The following PRKCZ variants were observed in gnomAD, a reference collection of about 807,000 sequenced individuals.
PRKCZ encodes protein kinase C zeta type.
A neutral mutation model predicts 79.5 loss-of-function variants in PRKCZ; 33 were observed. The observed-to-expected ratio is 0.41, with a 90% CI of 0.31 to 0.55. PRKCZ has a LOEUF of 0.55. Among genes scored for constraint, PRKCZ ranks in the 20% least tolerant of loss-of-function variants. The probability of loss-of-function intolerance (pLI) is 0.19; values close to 1 mark genes in which losing one functional copy is unlikely to be tolerated. For synonymous variants in PRKCZ, 342 were observed against 320.9 expected (o/e 1.07, Z -0.70); for missense variants, 578 against 813.5 (o/e 0.71, Z 3.52).
chr1:2,056,589 T>A lies in PRKCZ; in HGVS notation c.283+16T>A, dbSNP rs1273120135. ...ATCATTCATGGTTAGTGGCGGGGTCTGTGGTGGGCAGCTCTGGGGGGCTGT... is the reference window on the plus strand; with the variant it reads ...ATCATTCATGGTTAGTGGCGGGGTCAGTGGTGGGCAGCTCTGGGGGGCTGT... On this transcript the variant is annotated intron_variant, in intron 3 of 17. Transcript: ENST00000378567. 6.2e-7 allele frequency: 1 copy of A among 1,607,480 alleles called. No homozygotes were observed. The highest frequency in any genetic ancestry group is 1.7e-5 in the Admixed American group (1 of 59,824).
chr1:2,130,428 C>A (rs370667265), intron 4 of PRKCZ, among the ~76,000 whole-genome samples: 1 of 152,110 alleles, frequency 6.6e-6, no homozygotes, highest in Admixed American at 6.5e-5. Context: ...GCATGGGGGG[C>A]TGGGAGGGCG....
chr1:2,159,922 A>G (rs566975034), intron 10 of PRKCZ, among the ~76,000 whole-genome samples: 20 of 152,320 alleles, frequency 1.3e-4, no homozygotes, highest in African/African-American at 4.6e-4. Context: ...GACTACTTTC[A>G]GCGTCCCCCG....
chr1:2,121,637 G>T lies in PRKCZ; in HGVS notation c.335-13625G>T, dbSNP rs1203863210. Among the ~76,000 whole-genome samples, 30 of 64,262 alleles carry T rather than the reference G, an allele frequency of 4.7e-4. 1 individual carries two copies. Among genetic ancestry groups the T allele is most frequent in the African/African-American group, 1.8e-3 (26 of 14,466 alleles). 42.2% of individuals were successfully genotyped at this position (64,262 alleles called of 152,430 possible). On this transcript the variant is annotated intron_variant, in intron 4 of 17. Transcript: ENST00000378567. Reference sequence around the variant, plus strand: ...TCATGGTGGTGGTTAGGGTCACAGTGGTAGTTAGGGTCACGGTGGTGGTTA... The same window carrying T: ...TCATGGTGGTGGTTAGGGTCACAGTTGTAGTTAGGGTCACGGTGGTGGTTA...
chr1:2,074,030 A>AT, intron 4 of PRKCZ: 2 of 1,436,394 alleles, frequency 1.4e-6, no homozygotes, highest in Non-Finnish European at 9.1e-7. Context: ...CCGAGTCAGC[A>AT]TTTTGGGTCT....
intron 4 of PRKCZ, among the ~76,000 whole-genome samples, chr1:2,063,565 G>A (rs1393288369): frequency 3.3e-5 from 5 of 152,128 alleles, no homozygotes; most frequent in South Asian, 2.1e-4. Flanking sequence ...TGCCCACCTC[G>A]GTCTCCCAAA....
At chr1:2,184,791 T>G in intron 17 of PRKCZ, 93 bp downstream of exon 17, 3 of 1,408,208 alleles carry the variant, frequency 2.1e-6, no homozygotes, top group Non-Finnish European at 2.9e-6. Context: ...AGCCTGCCCT[T>G]GAGTCCCACC....
chr1:2,111,271 G>C (rs2102711423), intron 4 of PRKCZ, among the ~76,000 whole-genome samples: 1 of 152,214 alleles, frequency 6.6e-6, no homozygotes, highest in East Asian at 1.9e-4. Flanking sequence ...GACCACTTAG[G>C]GGACGGGGAG....
chr1:2,167,146 C>T lies in PRKCZ; in HGVS notation c.975-2372C>T, dbSNP rs540342723. 4.6e-5 allele frequency among the ~76,000 whole-genome samples: 7 copies of T among 152,332 alleles called. 1 individual carries two copies. In the South Asian group the frequency reaches 1.0e-3, roughly 23 times the overall value. ...ACCATCATTGCAGCTTGAGCAGTTG[C>T]AAATTAAATAAATTCCTTCCTCAGC... On this transcript the variant is annotated intron_variant, in intron 10 of 17. Coordinates refer to ENST00000378567, the MANE Select transcript of PRKCZ (RefSeq NM_002744.6).
chr1:2,074,365 C>T, intron 4 of PRKCZ: 2 of 1,512,172 alleles, frequency 1.3e-6, no homozygotes, highest in Non-Finnish European at 1.8e-6. Flanking sequence ...GGCTCGTCTG[C>T]CTGCCTGGCC....
At chr1:2,179,287 C>T (rs897996365) in intron 16 of PRKCZ, among the ~76,000 whole-genome samples, 25 of 152,182 alleles carry the variant, frequency 1.6e-4, no homozygotes, top group African/African-American at 5.3e-4. Flanking sequence ...CTGGGCCTGT[C>T]CCGGGTGAGC....
intron 5 of PRKCZ, 184 bp from the exon 6 acceptor site, chr1:2,144,026 T>C (rs1052887490): frequency 1.6e-5 from 12 of 767,112 alleles, no homozygotes; most frequent in Admixed American, 6.2e-5. Flanking sequence ...AACCTTGGGA[T>C]AGACCCAAGA....
At chr1:2,078,206 C>T (rs988715710) in intron 4 of PRKCZ, among the ~76,000 whole-genome samples, 1 of 152,240 alleles carries the variant, frequency 6.6e-6, no homozygotes, top group Non-Finnish European at 1.5e-5. Context: ...CTGGCTCCCT[C>T]TCTTCCTCTT....
At chr1:2,050,959 T>C (rs1659584417) in intron 1 of PRKCZ, 2 of 360,514 alleles carry the variant, frequency 5.5e-6, no homozygotes, top group Non-Finnish European at 9.9e-6. Context: ...GCCCGGTCAT[T>C]GTGGTAGACG....
chr1:2,123,594 T>C (rs1672999927), intron 4 of PRKCZ, among the ~76,000 whole-genome samples: 1 of 83,808 alleles, frequency 1.2e-5, no homozygotes, highest in Non-Finnish European at 2.3e-5. Flanking sequence ...GTCACGGTGG[T>C]AGTTAGGGTC....
chr1:2,088,567 G>C (rs72903312), intron 4 of PRKCZ, among the ~76,000 whole-genome samples: 1 of 152,188 alleles, frequency 6.6e-6, no homozygotes, highest in Admixed American at 6.5e-5. Context: ...GCGGCTTCCG[G>C]AGGTCCCAGA....
chr1:2,146,834 C>T (rs1035241054), intron 7 of PRKCZ, among the ~76,000 whole-genome samples: 1 of 152,182 alleles, frequency 6.6e-6, no homozygotes. Flanking sequence ...ACTGCCTGCC[C>T]ACCTGCTCCT....
rs1266397545 is a variant in PRKCZ, at chr1:2,121,731, CTTAGGGTCACGGCGGTGG to C, written c.335-13500_335-13483del. Among the ~76,000 whole-genome samples the C allele has an allele frequency of 0.024, 20 of 832 alleles. 7 individuals are homozygous for C. The East Asian group carries it at 0.39, about 16-fold the overall frequency. The allele number at this position is 832 out of a possible 152,430, so 0.5% of individuals were successfully genotyped here. On this transcript the variant is annotated intron_variant, in intron 4 of 17. Transcript: ENST00000378567. ...GGTGGTAGTTAGGGTCACGGCGGTA[CTTAGGGTCACGGCGGTGG>C]TTAGGGTCACGGCGGTGGTTAGGGT...
intron 5 of PRKCZ, among the ~76,000 whole-genome samples, chr1:2,139,657 T>A (rs1175660037): frequency 6.6e-5 from 10 of 152,194 alleles, no homozygotes; most frequent in Non-Finnish European, 1.5e-4. Context: ...TCATGGGGTC[T>A]GCCAACCCTG....
chr1:2,117,976 G>A (rs1671062623), intron 4 of PRKCZ, among the ~76,000 whole-genome samples: 1 of 130,218 alleles, frequency 7.7e-6, no homozygotes, highest in African/African-American at 2.9e-5. Context: ...CTGTATTTAT[G>A]AGAGAGATTA....
Sources: gnomAD v4.1 joint callset for allele counts (sites outside exome capture counted in the v4.1 genomes callset) on GRCh38, gnomAD v4.1.1 for gene constraint, MANE v1.5 for transcripts, NCBI Gene and HGNC (gene_info 2026-07-23, HGNC 2026-07-21) for gene names.